Variants in VEGFC observed in about 807,000 individuals in gnomAD.
VEGFC encodes the protein FLT4 ligand DHM.
VEGFC carries 12 observed loss-of-function variants against 46.1 expected under a neutral mutation model. The ratio of observed to expected loss-of-function variants is 0.26; its 90% CI spans 0.17 to 0.42. The LOEUF (loss-of-function observed/expected upper bound fraction) is 0.42. Ranked by LOEUF, VEGFC falls within the 10% of genes least tolerant of loss-of-function variation. VEGFC has a pLI of 1.00. For synonymous variants in VEGFC, 232 were observed against 195.5 expected, an observed-to-expected ratio of 1.19 and a Z score of -1.56; for missense variants, 488 against 529.4, an observed-to-expected ratio of 0.92 and a Z score of 0.77.
chr4:176,741,527 AC>A (rs1355843827), intron 1 of VEGFC, among the ~76,000 whole-genome samples: 1 of 151,962 alleles, frequency 6.6e-6, no homozygotes, highest in Non-Finnish European at 1.5e-5. Flanking sequence ...GATGTCTCAG[AC>A]CGTCAGATCT....
intron 1 of VEGFC, among the ~76,000 whole-genome samples, chr4:176,791,002 C>A (rs1736081238): frequency 6.6e-6 from 1 of 152,044 alleles, no homozygotes; most frequent in African/African-American, 2.4e-5. Flanking sequence ...TAATGTTTTC[C>A]CAAAATTTAA....
At chr4:176,777,295 C>T (rs564327988) in intron 1 of VEGFC, among the ~76,000 whole-genome samples, 2 of 152,252 alleles carry the variant, frequency 1.3e-5, no homozygotes, top group African/African-American at 4.8e-5. Context: ...CCAGCCTGGC[C>T]GAGACAGCGA....
chr4:176,742,910 A>C (rs759031388), intron 1 of VEGFC, among the ~76,000 whole-genome samples: 5 of 152,058 alleles, frequency 3.3e-5, no homozygotes, highest in Non-Finnish European at 5.9e-5. Flanking sequence ...GGAGAAGACA[A>C]GTGGATGTCT....
intron 4 of VEGFC, chr4:176,689,326 A>C (rs1309558540): frequency 6.6e-6 from 1 of 152,202 alleles, no homozygotes; most frequent in Non-Finnish European, 1.5e-5. Flanking sequence ...CTTTCTTTTA[A>C]TAATAGCCTG....
At chr4:176,769,664 A>G (rs1220008456) in intron 1 of VEGFC, among the ~76,000 whole-genome samples, 1 of 152,154 alleles carries the variant, frequency 6.6e-6, no homozygotes, top group African/African-American at 2.4e-5. Context: ...CAGGCCCTGG[A>G]GTGGGAACTA....
At chr4:176,692,556 G>A (rs1288769864) in intron 4 of VEGFC, among the ~76,000 whole-genome samples, 2 of 134,096 alleles carry the variant, frequency 1.5e-5, no homozygotes, top group East Asian at 4.0e-4. Flanking sequence ...GGGGAGGGAC[G>A]CCCGCCATTG....
intron 3 of VEGFC, among the ~76,000 whole-genome samples, chr4:176,716,940 T>C (rs774920497): frequency 5.3e-5 from 8 of 152,196 alleles, no homozygotes; most frequent in Non-Finnish European, 1.0e-4. Flanking sequence ...TACATTTAAG[T>C]TCATAGCACA....
intron 3 of VEGFC, among the ~76,000 whole-genome samples, chr4:176,721,428 GA>G (rs973036108): frequency 2.7e-5 from 4 of 150,808 alleles, no homozygotes; most frequent in East Asian, 1.9e-4. Flanking sequence ...ATTAAGAAAA[GA>G]AAAAAAAATC....
chr4:176,711,440 T>C, intron 4 of VEGFC, 59 bp downstream of exon 4: 2 of 1,523,800 alleles, frequency 1.3e-6, no homozygotes, highest in Non-Finnish European at 1.8e-6. Flanking sequence ...TTATGTTTAC[T>C]TGAAAATAAT....
intron 4 of VEGFC, among the ~76,000 whole-genome samples, chr4:176,690,124 T>A (rs528890403): frequency 1.3e-5 from 2 of 152,214 alleles, no homozygotes; most frequent in Non-Finnish European, 2.9e-5. Context: ...GATTTTAATG[T>A]ACTACTTTGA....
rs182734833 is a variant in VEGFC at position 176,765,589 on chromosome 4, T to C, written c.147+26576A>G. ...TTTTTTTTTTGAGGCAGAGTCTCGC[T>C]CTGTCGCCCAGGCTGGAGTGCAGTG... is the stretch of plus-strand genomic sequence containing the variant. On this transcript the variant is annotated intron_variant, in intron 1 of 6. Coordinates refer to ENST00000618562, the MANE Select transcript of VEGFC (RefSeq NM_005429.5). Among the ~76,000 whole-genome samples, 291 of 142,892 alleles carry C rather than the reference T, an allele frequency of 2.0e-3. 1 individual carries two copies. The highest frequency in any genetic ancestry group is 7.3e-3 in the Middle Eastern group (2 of 274). 93.7% of individuals were successfully genotyped at this position (142,892 alleles called of 152,430 possible).
Position 176,789,205 on chromosome 4 carries a change from G to A in VEGFC, c.147+2960C>T, listed in dbSNP as rs559375200. ...CAGGACCTTCCTCTCAAGAGGAACC[G>A]GAACCAGAACTGGAAGTCCAAAATG... On this transcript the variant is annotated intron_variant, in intron 1 of 6. Transcript: ENST00000618562. 2.0e-5 allele frequency among the ~76,000 whole-genome samples: 3 copies of A among 152,312 alleles called. No homozygotes were observed. The South Asian group carries it at 6.2e-4, about 32-fold the overall frequency.
intron 1 of VEGFC, among the ~76,000 whole-genome samples, chr4:176,780,388 A>AAAAAAAAAAAAC (rs1735893826): frequency 2.3e-4 from 5 of 21,846 alleles, no homozygotes; most frequent in African/African-American, 5.8e-4. Context: ...TCTCAAAAAA[A>AAAAAAAAAAAAC]AAAAAAAAAA....
chr4:176,750,251 G>A (rs1358403282), intron 1 of VEGFC, among the ~76,000 whole-genome samples: 1 of 151,712 alleles, frequency 6.6e-6, no homozygotes, highest in Non-Finnish European at 1.5e-5. Context: ...AGCCCTTACT[G>A]TGTTGTGACA....
intron 1 of VEGFC, among the ~76,000 whole-genome samples, chr4:176,778,524 T>A (rs1735854796): frequency 2.0e-5 from 3 of 152,092 alleles, no homozygotes; most frequent in Non-Finnish European, 1.5e-5. Context: ...AAATCCCAAA[T>A]TATTTAACGC....
At chr4:176,746,660 T>C (rs1041840299) in intron 1 of VEGFC, among the ~76,000 whole-genome samples, 1 of 152,124 alleles carries the variant, frequency 6.6e-6, no homozygotes, top group Non-Finnish European at 1.5e-5. Context: ...AGGGTATATG[T>C]GATAACACCA....
rs536874069 is a variant in VEGFC, at chr4:176,712,531, A to T, written c.553-881T>A. On this transcript the variant is annotated intron_variant, in intron 3 of 6. Coordinates refer to ENST00000618562, the MANE Select transcript of VEGFC (RefSeq NM_005429.5). ...CTAAATCATTACCAGAAAAAATGGT[A>T]AAAGTGAAATCTTGCCCACTAACTG... Among the ~76,000 whole-genome samples, 8 of 152,322 alleles carry T rather than the reference A, an allele frequency of 5.3e-5. No homozygotes were observed. The South Asian group carries it at 1.7e-3, about 32-fold the overall frequency.
At chr4:176,687,601 T>C in intron 5 of VEGFC, 81 bp from the exon 6 acceptor site, 1 of 1,345,324 alleles carries the variant, frequency 7.4e-7, no homozygotes. Flanking sequence ...TAAAAGCATC[T>C]TCCTTTTGTA....
At chr4:176,727,239 T>C (rs1388301776) in intron 3 of VEGFC, among the ~76,000 whole-genome samples, 2 of 152,210 alleles carry the variant, frequency 1.3e-5, no homozygotes, top group African/African-American at 4.8e-5. Flanking sequence ...CTTCCCAGTT[T>C]ATTCAAAACA....
Sources: gnomAD v4.1 joint callset for allele counts (sites outside exome capture counted in the v4.1 genomes callset) on GRCh38, gnomAD v4.1.1 for gene constraint, MANE v1.5 for transcripts, NCBI Gene and HGNC (gene_info 2026-07-23, HGNC 2026-07-21) for gene names.